PARD6G: variants seen among roughly 807,000 people sequenced by gnomAD.
The protein encoded by PARD6G is partitioning defective 6 homolog gamma.
A neutral mutation model predicts 10.7 loss-of-function variants in PARD6G; 7 were observed. The ratio of observed to expected loss-of-function variants is 0.66; its 90% confidence interval spans 0.37 to 1.23. PARD6G has a LOEUF of 1.23. Ranked by LOEUF, PARD6G falls within the 50% of genes most tolerant of loss-of-function variation. The pLI is 0.02. For synonymous variants in PARD6G, 287 were observed against 269.4 expected (o/e 1.07, Z -0.64); for missense variants, 548 against 571.8 (o/e 0.96, Z 0.42).
At chr18:80,195,552 T>C (rs367770605) in intron 2 of PARD6G, among the ~76,000 whole-genome samples, 51 of 91,854 alleles carry the variant, frequency 5.6e-4, no homozygotes, top group Non-Finnish European at 9.7e-4. Context: ...AAGATACATA[T>C]ATATATATAT....
Position 80,247,373 on chromosome 18 carries a change from C to G in PARD6G, c.-25G>C. The G allele has an allele frequency of 1.9e-6, 3 of 1,543,216 alleles. No individual in the cohort carries two copies. The highest frequency in any genetic ancestry group is 1.4e-5 in the African/African-American group (1 of 70,300). ...TGGTTTCGGCCCCGGTCAGCCTCGC[C>G]GTCGCCCTCGCTCCTCAGGGGCCGC... On this transcript the variant is annotated 5_prime_UTR_variant, in exon 1 of 3. Transcript: ENST00000353265. The surrounding 1 kb of genome is among the most constrained non-coding windows in gnomAD (Gnocchi z 4.2).
In PARD6G at chr18:80,160,361, G is replaced by A. The variant is rs201724121; in HGVS notation, c.541C>T (p.Arg181Cys). 1.8e-4 allele frequency: 294 copies of A among 1,610,664 alleles called. No individual in the cohort carries two copies. Among genetic ancestry groups the A allele is most frequent in the Non-Finnish European group, 2.1e-4 (251 of 1,179,480 alleles). The stretch of plus-strand genomic sequence containing the variant: ...TTCTCCAGCCCGTGCGGGGTCACGC[G>A]CACGCTGGCGCCATCGCGGATGTAG... Reference protein sequence around the residue: ...GFYIRDGASVRVTPHGLEKVP... With the variant: ...GFYIRDGASVCVTPHGLEKVP... Residue 181 changes from arginine to cysteine, a missense_variant, in exon 3 of 3, where the codon CGC (arginine) becomes TGC (cysteine). Transcript: ENST00000353265.
intron 1 of PARD6G, among the ~76,000 whole-genome samples, chr18:80,206,476 C>G (rs1219676855): frequency 6.6e-6 from 1 of 152,212 alleles, no homozygotes; most frequent in Admixed American, 6.5e-5. Context: ...GTGAATGGCT[C>G]TAATGACCAG....
Position 80,165,785 on chromosome 18 carries a change from A to G in PARD6G, c.296-5179T>C, listed in dbSNP as rs371813713. On this transcript the variant is annotated intron_variant, in intron 2 of 2. Coordinates refer to ENST00000353265, the MANE Select transcript of PARD6G (RefSeq NM_032510.4). ...AACCTCCAGGAAGTTGCCAGAAAAC[A>G]TAATTTATCATTTCCACTGGGTGCG... Among the ~76,000 whole-genome samples the G allele has an allele frequency of 4.6e-5, 7 of 152,346 alleles. No homozygotes were observed. In the East Asian group the frequency reaches 1.4e-3, roughly 29 times the overall value.
chr18:80,199,913 G>T (rs1417945570), intron 2 of PARD6G, among the ~76,000 whole-genome samples: 1 of 152,182 alleles, frequency 6.6e-6, no homozygotes, highest in Non-Finnish European at 1.5e-5. Context: ...CCAAAGTGCT[G>T]GGATTACAGG....
At chr18:80,229,007 T>C (rs955394435) in intron 1 of PARD6G, among the ~76,000 whole-genome samples, 3 of 152,128 alleles carry the variant, frequency 2.0e-5, no homozygotes, top group African/African-American at 7.2e-5. Context: ...GGCATGATCT[T>C]GGCTCACCAT....
At chr18:80,237,318 A>T (rs1324642230) in intron 1 of PARD6G, among the ~76,000 whole-genome samples, 1 of 152,186 alleles carries the variant, frequency 6.6e-6, no homozygotes, top group Non-Finnish European at 1.5e-5. Flanking sequence ...CTGAAACTGG[A>T]TCCCTTCCTT....
rs1966901292 is a variant in PARD6G at position 80,191,887 on chromosome 18, CAGAA to C, written c.295+10819_295+10822del. Among the ~76,000 whole-genome samples the C allele has an allele frequency of 3.3e-5, 5 of 152,218 alleles. 1 individual carries two copies. Among genetic ancestry groups the C allele is most frequent in the African/African-American group, 1.2e-4 (5 of 41,538 alleles). ...GTATACGTGTGATAATGAGGGTAGC[CAGAA>C]AGAATCATGTGTTGGGAAAACTGTT... On this transcript the variant is annotated intron_variant, in intron 2 of 2. Transcript: ENST00000353265.
At chr18:80,243,165 GATATTATT>G (rs1382026452) in intron 1 of PARD6G, among the ~76,000 whole-genome samples, 1 of 151,990 alleles carries the variant, frequency 6.6e-6, no homozygotes, top group Non-Finnish European at 1.5e-5. Context: ...AAGACTTAAA[GATATTATT>G]TACAGCACTG....
chr18:80,197,339 A>T (rs1245712861), intron 2 of PARD6G: 4 of 152,176 alleles, frequency 2.6e-5, no homozygotes, highest in Non-Finnish European at 5.9e-5. Context: ...ATCATTCCAT[A>T]CCCCTTCCTT....
At chr18:80,179,217 G>A (rs2145261177) in intron 2 of PARD6G, among the ~76,000 whole-genome samples, 2 of 136,920 alleles carry the variant, frequency 1.5e-5, no homozygotes, top group Admixed American at 1.5e-4. Context: ...AGGGTTGGCT[G>A]CAGTCATTTT....
intron 2 of PARD6G, among the ~76,000 whole-genome samples, chr18:80,198,472 A>G (rs1456310758): frequency 6.6e-6 from 1 of 152,246 alleles, no homozygotes; most frequent in Non-Finnish European, 1.5e-5. Flanking sequence ...TATTTAGGAT[A>G]TTGGAATGCA....
rs1967568633 is a variant in PARD6G, at chr18:80,247,445, G to A, written c.-97C>T. The A allele has an allele frequency of 8.9e-6, 8 of 895,164 alleles. No homozygotes were observed. Among genetic ancestry groups the A allele is most frequent in the Admixed American group, 9.3e-5 (2 of 21,562 alleles). The allele number at this position is 895,164 out of a possible 1,614,324, so 55.5% of individuals were successfully genotyped here. A position where few individuals can be genotyped will look rare whatever the true frequency, so the allele number is the denominator to read the frequency against. Reference sequence around the variant, plus strand: ...GCCCCCAGGCCCCGGCCCCGGCCCCGGCCCGCGCTCGCTTGGCCGGCGGGC... The same window carrying A: ...GCCCCCAGGCCCCGGCCCCGGCCCCAGCCCGCGCTCGCTTGGCCGGCGGGC... On this transcript the variant is annotated 5_prime_UTR_variant, in exon 1 of 3. Coordinates refer to ENST00000353265, the MANE Select transcript of PARD6G (RefSeq NM_032510.4). This position sits in a 1 kb window ranked among gnomAD's most constrained non-coding sequence, Gnocchi z 4.2.
intron 1 of PARD6G, among the ~76,000 whole-genome samples, chr18:80,213,243 G>A (rs1967126431): frequency 6.6e-6 from 1 of 152,176 alleles, no homozygotes; most frequent in Non-Finnish European, 1.5e-5. Flanking sequence ...CCTGGGGAGT[G>A]AGCTGTTCAA....
At position 80,161,343 on chromosome 18, in the gene PARD6G, C is replaced by T. The variant is rs1008114704; in HGVS notation, c.296-737G>A. Among the ~76,000 whole-genome samples the T allele has an allele frequency of 2.6e-5, 4 of 152,126 alleles. No homozygotes were observed. Among genetic ancestry groups the T allele is most frequent in the Admixed American group, 6.5e-5 (1 of 15,274 alleles). On this transcript the variant is annotated intron_variant, in intron 2 of 2. Transcript: ENST00000353265. The surrounding 1 kb of genome is among the most constrained non-coding windows in gnomAD (Gnocchi z 4.6). ...TGTGCAGCTCTCTTCCTCAGGTCTC[C>T]CAGGGACCCTGTGGGATCCGCCTGC...
intron 1 of PARD6G, among the ~76,000 whole-genome samples, chr18:80,219,733 A>T (rs549902827): frequency 6.6e-6 from 1 of 152,136 alleles, no homozygotes; most frequent in South Asian, 2.1e-4. Context: ...CCTAATCTCC[A>T]TCTGAGACCA....
intron 1 of PARD6G, among the ~76,000 whole-genome samples, chr18:80,233,173 A>C (rs937282069): frequency 6.6e-6 from 1 of 152,236 alleles, no homozygotes; most frequent in Non-Finnish European, 1.5e-5. Flanking sequence ...GCAGACACAC[A>C]GTGTCACCTT....
At chr18:80,164,923 C>A (rs943320577) in intron 2 of PARD6G, among the ~76,000 whole-genome samples, 11 of 152,214 alleles carry the variant, frequency 7.2e-5, no homozygotes, top group African/African-American at 2.7e-4. Flanking sequence ...AGATCACATG[C>A]TTCTGAGGGA....
intron 1 of PARD6G, among the ~76,000 whole-genome samples, chr18:80,210,295 A>G (rs1967095095): frequency 6.6e-6 from 1 of 152,252 alleles, no homozygotes; most frequent in Non-Finnish European, 1.5e-5. Flanking sequence ...TGTCAAAACC[A>G]ACTTTTAGAG....
Sources: gnomAD v4.1 joint callset for allele counts (sites outside exome capture counted in the v4.1 genomes callset) on GRCh38, gnomAD v4.1.1 for gene constraint, Gnocchi (gnomAD v3.1) non-coding constraint, MANE v1.5 for transcripts, NCBI Gene and HGNC (gene_info 2026-07-23, HGNC 2026-07-21) for gene names.